Variants in NCF1 observed in about 807,000 individuals in gnomAD.
NCF1 encodes the protein neutrophil cytosolic factor 1.
Under a neutral mutation model 34.9 loss-of-function variants are expected in NCF1, and 8 were observed. That is an observed-to-expected ratio of 0.23 (90% CI 0.13 to 0.41). NCF1 has a LOEUF of 0.41. NCF1 is among the 10% of genes least tolerant of loss of function. The pLI is 1.00. For synonymous variants in NCF1, 57 were observed against 146.3 expected, an observed-to-expected ratio of 0.39 and a Z score of 4.41; for missense variants, 122 against 362.4, an observed-to-expected ratio of 0.34 and a Z score of 5.39.
chr7:74,776,166 C>T (rs1378173734), intron 1 of NCF1, among the ~76,000 whole-genome samples: 1 of 43,498 alleles, frequency 2.3e-5, no homozygotes, highest in African/African-American at 1.1e-4. Flanking sequence ...AGGCTGATCT[C>T]GAACTCCTGA....
rs782313991 is a variant in NCF1, at chr7:74,788,559, G to A, written c.906G>A (p.Arg302=). The A allele has an allele frequency of 9.7e-6, 15 of 1,544,400 alleles. No homozygotes were observed. Among genetic ancestry groups the A allele is most frequent in the Non-Finnish European group, 1.3e-5 (15 of 1,147,192 alleles). Residue 302 remains arginine, a splice_region_variant and synonymous_variant, in exon 10 of 11, where the codon AGG becomes AGA. Coordinates refer to ENST00000289473, the MANE Select transcript of NCF1 (RefSeq NM_000265.7). ...RQIKRGAPPR[R]SSIRNAHSIH... is the part of the protein sequence containing the mutation. ...ACGACGCCCCGTCCCGCTGGGCCAG[G>A]TCGTCCATCCGCAACGCGCACAGCA... is the stretch of plus-strand genomic sequence containing the variant.
In NCF1 at chr7:74,788,709, G is replaced by A. The variant is rs1272773601; in HGVS notation, c.1051+5G>A. 5.2e-6 allele frequency: 8 copies of A among 1,549,686 alleles called. No individual in the cohort carries two copies. The highest frequency in any genetic ancestry group is 6.9e-6 in the Non-Finnish European group (8 of 1,155,402). On this transcript the variant is annotated splice_donor_5th_base_variant and intron_variant, in intron 10 of 10. Transcript: ENST00000289473. ...AGAGCCCCGGGAGCCCGCTCGGTGA[G>A]TGCAGCGGGAGAGGGCAGGAAGGGC...
chr7:74,788,869 G>A (rs1554415013), intron 10 of NCF1, among the ~76,000 whole-genome samples, 165 bp downstream of exon 10: 2 of 146,520 alleles, frequency 1.4e-5, no homozygotes, highest in Non-Finnish European at 3.0e-5. Context: ...AGCGCTAGGG[G>A]GCGGAGCGAT....
At chr7:74,778,777 C>T (rs1256153458) in intron 2 of NCF1, among the ~76,000 whole-genome samples, 1 of 130,092 alleles carries the variant, frequency 7.7e-6, no homozygotes, top group African/African-American at 2.8e-5. Context: ...CAGGTTTAAG[C>T]GATTCTCCCA....
intron 8 of NCF1, among the ~76,000 whole-genome samples, chr7:74,787,029 A>C (rs587730414): frequency 1.4e-4 from 20 of 146,884 alleles, no homozygotes; most frequent in Non-Finnish European, 2.6e-4. Flanking sequence ...ATGGATTTCC[A>C]TACTGGAAAA....
chr7:74,775,890 T>G lies in NCF1; in HGVS notation c.73-1377T>G, dbSNP rs1637415. 7.9e-5 allele frequency among the ~76,000 whole-genome samples: 12 copies of G among 150,970 alleles called. No individual in the cohort carries two copies. The Admixed American group carries it at 8.0e-4, about 10-fold the overall frequency. On this transcript the variant is annotated intron_variant, in intron 1 of 10. Coordinates refer to ENST00000289473, the MANE Select transcript of NCF1 (RefSeq NM_000265.7). ...CTGGGAATACAGGTGCGCGCCACCA[T>G]GCCCAGCTCGCATTTTTTGGTAGAG...
chr7:74,776,949 C>G, intron 1 of NCF1: 2 of 313,080 alleles, frequency 6.4e-6, no homozygotes, highest in South Asian at 4.7e-5. Flanking sequence ...TGGACTCAAG[C>G]GATCTTCCCA....
chr7:74,779,327 G>A lies in NCF1; in HGVS notation c.300G>A (p.Thr100=), dbSNP rs371075194. ...RQGTLTEYCS[T]LMSLPTKISR... The stretch of plus-strand genomic sequence containing the variant: ...GCACACTTACCGAGTACTGCAGCAC[G>A]CTCATGAGCCTGCCCACCAAGATCT... Residue 100 remains threonine (T), a synonymous_variant, in exon 4 of 11, where the codon ACG becomes ACA. Coordinates refer to ENST00000289473, the MANE Select transcript of NCF1 (RefSeq NM_000265.7). 1.7e-5 allele frequency: 28 copies of A among 1,607,054 alleles called. No individual in the cohort carries two copies. The highest frequency in any genetic ancestry group is 6.6e-5 in the South Asian group (6 of 90,406).
chr7:74,777,494 T>A (rs1796494676), intron 2 of NCF1, 147 bp downstream of exon 2: 4 of 853,472 alleles, frequency 4.7e-6, no homozygotes, highest in African/African-American at 3.4e-5. Context: ...TTTATATAAA[T>A]TTTTGTGACA....
intron 8 of NCF1, among the ~76,000 whole-genome samples, chr7:74,787,656 G>A (rs1488087815): frequency 6.7e-6 from 1 of 149,740 alleles, no homozygotes; most frequent in African/African-American, 2.5e-5. Flanking sequence ...GGCCTCAAGC[G>A]ATCCTCCCAC....
chr7:74,783,491 G>GC, intron 6 of NCF1, 34 bp from the exon 7 acceptor site: 1 of 1,603,938 alleles, frequency 6.2e-7, no homozygotes, highest in Non-Finnish European at 8.5e-7. Context: ...GCTGGGCCCT[G>GC]CCCCTCAGTC....
intron 5 of NCF1, among the ~76,000 whole-genome samples, chr7:74,782,087 GGACC>G (rs759662302): frequency 6.2e-4 from 61 of 98,798 alleles, no homozygotes; most frequent in South Asian, 1.3e-3. Context: ...GTCCCACAGT[GGACC>G]TACTGAACAG....
At chr7:74,779,223 C>G (rs782515324) in intron 3 of NCF1, 34 bp from the exon 4 acceptor site, 1 of 1,610,520 alleles carries the variant, frequency 6.2e-7, no homozygotes, top group Non-Finnish European at 8.5e-7. Context: ...CTCCCAGCCC[C>G]TCTCGGGCTT....
At chr7:74,786,986 A>G (rs1383117949) in intron 8 of NCF1, among the ~76,000 whole-genome samples, 1 of 147,966 alleles carries the variant, frequency 6.8e-6, no homozygotes, top group Non-Finnish European at 1.5e-5. Flanking sequence ...GAGAATAGAA[A>G]GAAAGTCTTT....
chr7:74,782,884 G>A (rs1283624401), intron 5 of NCF1, 55 bp from the exon 6 acceptor site: 1 of 1,509,022 alleles, frequency 6.6e-7, no homozygotes, highest in Non-Finnish European at 9.2e-7. Context: ...GCCTGTTCTG[G>A]AGGCCCAGAT....
Position 74,779,279 on chromosome 7 carries a change from G to A in NCF1, c.252G>A (p.Gln84=), listed in dbSNP as rs1554413451. 1 of 1,609,996 alleles carries A rather than the reference G, an allele frequency of 6.2e-7. No homozygotes were observed. The highest frequency in any genetic ancestry group is 1.3e-5 in the African/African-American group (1 of 74,438). ...CAGCTCCCAAGTGGTTTGACGGGCA[G>A]CGGGCCGCCGAGAACCGCCAGGGCA... ...HLPAPKWFDG[Q]RAAENRQGTL... The change falls in exon 4 of 11, where the codon CAG becomes CAA. Residue 84 remains glutamine (Q), a synonymous_variant. Transcript: ENST00000289473.
rs1191451068 is a variant in NCF1, at chr7:74,783,677, C to A, written c.682+45C>A. On this transcript the variant is annotated intron_variant, in intron 7 of 10. Transcript: ENST00000289473. ...GCTGTAGGGGTGTGGGAGAAAGGGG[C>A]AGGCAGGGCTCAGGGATATTGAGTG... 3 of 1,585,800 alleles carry A rather than the reference C, an allele frequency of 1.9e-6. No homozygotes were observed. The Admixed American group carries it at 5.3e-5, about 28-fold the overall frequency.
rs1393644789 is a variant in NCF1, at chr7:74,785,814, C to T, written c.800+515C>T. 5.0e-5 allele frequency among the ~76,000 whole-genome samples: 7 copies of T among 140,400 alleles called. No homozygotes were observed. The East Asian group carries it at 1.0e-3, about 21-fold the overall frequency. The allele number at this position is 140,400 out of a possible 152,430, so 92.1% of individuals were successfully genotyped here. A position where few individuals can be genotyped will look rare whatever the true frequency, so the allele number is the denominator to read the frequency against. Reference sequence around the variant, plus strand: ...AAGAGAATCACTTCAACCCGGGAGGCGGAGGTTGCAGTGAGCCAAGATCGC... The same window carrying T: ...AAGAGAATCACTTCAACCCGGGAGGTGGAGGTTGCAGTGAGCCAAGATCGC... On this transcript the variant is annotated intron_variant, in intron 8 of 10. Coordinates refer to ENST00000289473, the MANE Select transcript of NCF1 (RefSeq NM_000265.7).
At chr7:74,783,845 G>C (rs587618080) in intron 7 of NCF1, among the ~76,000 whole-genome samples, 1 of 152,142 alleles carries the variant, frequency 6.6e-6, no homozygotes, top group African/African-American at 2.4e-5. Context: ...CGACTGGGGA[G>C]AGTGGGAGGC....
Sources: allele counts gnomAD v4.1 joint callset (sites outside exome capture counted in the v4.1 genomes callset), GRCh38; gene constraint gnomAD v4.1.1; transcripts MANE v1.5; gene names NCBI Gene and HGNC (gene_info 2026-07-23, HGNC 2026-07-21).